The following ILDR2 variants were observed in gnomAD, a reference collection of about 807,000 sequenced individuals.
ILDR2 encodes the protein immunoglobulin like domain containing receptor 2.
In ILDR2, 25 loss-of-function variants were observed where a neutral mutation model predicts 66.8. The ratio of observed to expected loss-of-function variants is 0.37; its 90% CI spans 0.27 to 0.52. The LOEUF (loss-of-function observed/expected upper bound fraction) is 0.52. Among genes scored for constraint, ILDR2 ranks in the 20% least tolerant of loss-of-function variants. ILDR2 has a pLI of 0.88. For synonymous variants in ILDR2, 367 were observed against 357.2 expected (o/e 1.03, Z -0.31); for missense variants, 827 against 876.8 (o/e 0.94, Z 0.72).
intron 6 of ILDR2, among the ~76,000 whole-genome samples, chr1:166,934,020 G>A (rs939328303): frequency 2.2e-4 from 34 of 152,146 alleles, no homozygotes; most frequent in African/African-American, 6.3e-4. Context: ...ATACCTCCAG[G>A]GAAGAAATGT....
At chr1:166,933,212 T>C (rs536516476) in intron 6 of ILDR2, among the ~76,000 whole-genome samples, 1 of 152,402 alleles carries the variant, frequency 6.6e-6, no homozygotes, top group Non-Finnish European at 1.5e-5. Flanking sequence ...ATTTTGTTTA[T>C]GAATGGGCAA....
chr1:166,902,726 T>A (rs1181848872), intron 2 of ILDR2, among the ~76,000 whole-genome samples: 1 of 152,232 alleles, frequency 6.6e-6, no homozygotes, highest in Non-Finnish European at 1.5e-5. Context: ...CCATTCTACA[T>A]TTTGTAGGCT....
chr1:166,960,713 A>G (rs1414104742), intron 1 of ILDR2, among the ~76,000 whole-genome samples: 2 of 152,142 alleles, frequency 1.3e-5, no homozygotes, highest in Non-Finnish European at 2.9e-5. Flanking sequence ...AGCCCCATCA[A>G]AAGGCAAACA....
In ILDR2 at chr1:166,922,833, A is replaced by ATAG. The variant is rs1557932054; in HGVS notation, c.995-27_995-25dup. The ATAG allele has an allele frequency of 1.1e-5, 17 of 1,593,618 alleles. No homozygotes were observed. The Admixed American group carries it at 2.8e-4, about 27-fold the overall frequency. The stretch of plus-strand genomic sequence containing the variant: ...ATCTGCAGGGACAAAATCAGGCATG[A>ATAG]TAGAGCTTTTTGTGTTACTCTGTTT... On this transcript the variant is annotated intron_variant, in intron 7 of 9. Coordinates refer to ENST00000271417, the MANE Select transcript of ILDR2 (RefSeq NM_199351.3).
intron 2 of ILDR2, among the ~76,000 whole-genome samples, 174 bp downstream of exon 2, chr1:166,957,595 A>AC: frequency 1.3e-5 from 2 of 152,096 alleles, no homozygotes; most frequent in East Asian, 3.9e-4. Context: ...TTTCCCCCTC[A>AC]CCATCCCGTT....
At chr1:166,965,711 T>C (rs909523836) in intron 1 of ILDR2, among the ~76,000 whole-genome samples, 3 of 151,222 alleles carry the variant, frequency 2.0e-5, no homozygotes, top group African/African-American at 7.3e-5. Flanking sequence ...TAGCTGGGAC[T>C]ACAGGTGCGT....
Position 166,935,308 on chromosome 1 carries a change from G to A in ILDR2, c.873C>T (p.Ser291=). The change falls in exon 6 of 10, where the codon AGC becomes AGT. Residue 291 remains serine, a synonymous_variant. Coordinates refer to ENST00000271417, the MANE Select transcript of ILDR2 (RefSeq NM_199351.3). ...PLAPSDSTGG[S]HSVRKGYRIQ... ...GTCTGGAACTACATTTACCACTGTG[G>A]CTTCCTCCAGTGGAGTCACTTGGTG... The A allele has an allele frequency of 6.2e-7, 1 of 1,614,142 alleles. No homozygotes were observed.
chr1:166,957,694 T>C lies in ILDR2; in HGVS notation c.379+75A>G, dbSNP rs1662363381. The C allele has an allele frequency of 1.4e-5, 18 of 1,290,026 alleles. 1 individual carries two copies. Among genetic ancestry groups the C allele is most frequent in the Non-Finnish European group, 2.0e-5 (18 of 917,426 alleles). The allele number at this position is 1,290,026 out of a possible 1,614,324, so 79.9% of individuals were successfully genotyped here. A position where few individuals can be genotyped will look rare whatever the true frequency, so the allele number is the denominator to read the frequency against. ...AGGGTGAGAGGCTAGAATATCACCATATTGACATAAGGGAAGGGAAGAATG... is the reference window on the plus strand; with the variant it reads ...AGGGTGAGAGGCTAGAATATCACCACATTGACATAAGGGAAGGGAAGAATG... On this transcript the variant is annotated intron_variant, in intron 2 of 9. Transcript: ENST00000271417.
chr1:166,935,517 C>T, intron 5 of ILDR2, 40 bp from the exon 6 acceptor site: 2 of 1,504,810 alleles, frequency 1.3e-6, no homozygotes, highest in Non-Finnish European at 1.8e-6. Context: ...TTACGTCGTC[C>T]CACCCTCCAC....
intron 3 of ILDR2, among the ~76,000 whole-genome samples, chr1:166,943,166 A>G (rs1661408293): frequency 6.6e-6 from 1 of 152,260 alleles, no homozygotes; most frequent in East Asian, 1.9e-4. Context: ...GACAATACCA[A>G]TATATCATGT....
chr1:166,949,125 C>G (rs913436513), intron 3 of ILDR2, among the ~76,000 whole-genome samples: 2 of 152,204 alleles, frequency 1.3e-5, no homozygotes, highest in Admixed American at 6.5e-5. Flanking sequence ...CTATCTGGAG[C>G]CAGATAATTC....
intron 6 of ILDR2, chr1:166,933,448 G>A: frequency 4.4e-6 from 2 of 450,400 alleles, no homozygotes; most frequent in Non-Finnish European, 5.9e-6. Flanking sequence ...AGGTCCTTCA[G>A]GGCTGCCACC....
chr1:166,956,685 A>C (rs1432781752), intron 3 of ILDR2, 48 bp downstream of exon 3: 1 of 1,604,172 alleles, frequency 6.2e-7, no homozygotes, highest in Non-Finnish European at 8.5e-7. Flanking sequence ...GATACAGTGC[A>C]AGTGCAAGTG....
At chr1:166,935,879 T>G (rs1312699874) in intron 5 of ILDR2, among the ~76,000 whole-genome samples, 1 of 152,168 alleles carries the variant, frequency 6.6e-6, no homozygotes. Context: ...AACCTTCTCT[T>G]GAGAAGGAAA....
At chr1:166,904,506 A>C (rs942674214), downstream of ILDR2, among the ~76,000 whole-genome samples, 1 of 152,232 alleles carries the variant, frequency 6.6e-6, no homozygotes, top group African/African-American at 2.4e-5. Context: ...GTTGTTTACA[A>C]AGCAAGAACT....
intron 3 of ILDR2, chr1:166,943,919 C>T (rs1571159698): frequency 1.2e-6 from 1 of 845,640 alleles, no homozygotes; most frequent in Non-Finnish European, 1.4e-6. Flanking sequence ...CTCAAACTAT[C>T]AGAGGAAAAT....
At chr1:166,899,322 G>A (rs1659223100) in intron 2 of ILDR2, among the ~76,000 whole-genome samples, 1 of 151,660 alleles carries the variant, frequency 6.6e-6, no homozygotes, top group Non-Finnish European at 1.5e-5. Context: ...GAACCTGGGA[G>A]GCAGAGGTTG....
At position 166,908,799 on chromosome 1, in the gene ILDR2, AT is replaced by A. The variant is rs1459400776; in HGVS notation, c.*10555del. 6.6e-6 allele frequency: 1 copy of A among 152,202 alleles called. No individual in the cohort carries two copies. Among genetic ancestry groups the A allele is most frequent in the Non-Finnish European group, 1.5e-5 (1 of 68,044 alleles). 9.4% of individuals were successfully genotyped at this position (152,202 alleles called of 1,614,324 possible). A position where few individuals can be genotyped will look rare whatever the true frequency, so the allele number is the denominator to read the frequency against. On this transcript the variant is annotated 3_prime_UTR_variant, in exon 10 of 10. Transcript: ENST00000271417. ...CTGGTATATGGAAGGCTCTGGTAGG[AT>A]TTGTCACTGAACTGTGGTAAAAACA...
intron 7 of ILDR2, among the ~76,000 whole-genome samples, chr1:166,926,242 C>T (rs1660279936): frequency 1.3e-5 from 2 of 152,098 alleles, no homozygotes; most frequent in Admixed American, 1.3e-4. Flanking sequence ...CACCCGCCAG[C>T]ACCCTCTGAT....
Sources: allele counts gnomAD v4.1 joint callset (sites outside exome capture counted in the v4.1 genomes callset), GRCh38; gene constraint gnomAD v4.1.1; transcripts MANE v1.5; gene names NCBI Gene and HGNC (gene_info 2026-07-23, HGNC 2026-07-21).